SLC30A10: variants seen among roughly 807,000 people sequenced by gnomAD.
SLC30A10 encodes the protein solute carrier family 30 member 10.
SLC30A10 carries 8 observed loss-of-function variants against 21.7 expected under a neutral mutation model. The observed-to-expected ratio is 0.37, with a 90% CI of 0.22 to 0.67. SLC30A10 has a LOEUF of 0.67. Among genes scored for constraint, SLC30A10 ranks in the 30% least tolerant of loss-of-function variants. The probability of loss-of-function intolerance (pLI) is 0.58; values close to 1 mark genes in which losing one functional copy is unlikely to be tolerated. For synonymous variants in SLC30A10, 272 were observed against 279.4 expected (o/e 0.97, Z 0.26); for missense variants, 521 against 642.5 (o/e 0.81, Z 2.04).
intron 1 of SLC30A10, among the ~76,000 whole-genome samples, chr1:219,945,470 G>A (rs996206465): frequency 2.0e-5 from 3 of 152,060 alleles, no homozygotes; most frequent in Admixed American, 6.6e-5. Flanking sequence ...AATGAGAACC[G>A]AAGTTAAAAA....
chr1:219,926,165 T>C lies in SLC30A10; in HGVS notation c.718+863A>G, dbSNP rs536026322. Among the ~76,000 whole-genome samples the C allele has an allele frequency of 1.7e-3, 257 of 152,332 alleles. 1 individual carries two copies. The highest frequency in any genetic ancestry group is 6.0e-3 in the African/African-American group (250 of 41,576). On this transcript the variant is annotated intron_variant, in intron 2 of 3. Transcript: ENST00000366926. Reference sequence around the variant, plus strand: ...TATCTTCTGGATTTTCCCTATAGGTTCACTCTGAGAATTCCTTTGTAAAAC... The same window carrying C: ...TATCTTCTGGATTTTCCCTATAGGTCCACTCTGAGAATTCCTTTGTAAAAC...
In SLC30A10 at chr1:219,915,340, G is replaced by T; in HGVS notation, c.*109C>A. 7.4e-7 allele frequency: 1 copy of T among 1,357,156 alleles called. No homozygotes were observed. The highest frequency in any genetic ancestry group is 1.0e-6 in the Non-Finnish European group (1 of 985,432). The allele number at this position is 1,357,156 out of a possible 1,614,324, so 84.1% of individuals were successfully genotyped here. A position where few individuals can be genotyped will look rare whatever the true frequency, so the allele number is the denominator to read the frequency against. Reference sequence around the variant, plus strand: ...CCAACCCCTAGTGAACACAGAGCATGCATGCTGCAAGTCTAGTCTGGGCCT... The same window carrying T: ...CCAACCCCTAGTGAACACAGAGCATTCATGCTGCAAGTCTAGTCTGGGCCT... On this transcript the variant is annotated 3_prime_UTR_variant, in exon 4 of 4. Coordinates refer to ENST00000366926, the MANE Select transcript of SLC30A10 (RefSeq NM_018713.3).
intron 1 of SLC30A10, among the ~76,000 whole-genome samples, chr1:219,940,967 T>C (rs758967705): frequency 5.9e-5 from 9 of 152,150 alleles, no homozygotes; most frequent in Non-Finnish European, 1.3e-4. Context: ...AAAAATCTGT[T>C]TGAATAATAA....
rs549209690 is a variant in SLC30A10, at chr1:219,938,374, C to T, written n.81-11269G>A. 2.5e-4 allele frequency among the ~76,000 whole-genome samples: 38 copies of T among 152,328 alleles called. No individual in the cohort carries two copies. In the East Asian group the frequency reaches 7.0e-3, roughly 28 times the overall value. On this transcript the variant is annotated intron_variant and non_coding_transcript_variant, in intron 1 of 8. Transcript: ENST00000484239. The stretch of plus-strand genomic sequence containing the variant: ...TCACTCTAGACATCTTTCTACCACT[C>T]CCCTGACTTTTCCCAGAGGCAGGAT...
At chr1:219,954,352 G>GGA (rs902392247) in intron 1 of SLC30A10, among the ~76,000 whole-genome samples, 2 of 151,836 alleles carry the variant, frequency 1.3e-5, no homozygotes, top group Admixed American at 1.3e-4. Context: ...AGAAACAGAA[G>GGA]GAGAGAGAGA....
Position 219,928,343 on chromosome 1 carries a change from T to C in SLC30A10, c.98A>G (p.Asn33Ser). ...VAELVSGYLG[N>S]SIALLSDSFN... Reference sequence around the variant, plus strand: ...GGAGTCGGAGAGCAGCGCGATGGAGTTGCCCAGGTAGCCGGAGACCAGCTC... The same window carrying C: ...GGAGTCGGAGAGCAGCGCGATGGAGCTGCCCAGGTAGCCGGAGACCAGCTC... Residue 33 changes from asparagine (N) to serine (S), a missense_variant, in exon 1 of 4, where the codon AAC (asparagine) becomes AGC (serine). By Grantham distance (46) the Asn-to-Ser change is conservative. Transcript: ENST00000366926. This position sits in a 1 kb window ranked among gnomAD's most constrained non-coding sequence, Gnocchi z 6.3. 1 of 1,612,506 alleles carries C rather than the reference T, an allele frequency of 6.2e-7. No individual in the cohort carries two copies. The highest frequency in any genetic ancestry group is 8.5e-7 in the Non-Finnish European group (1 of 1,179,526).
In SLC30A10 at chr1:219,914,548, CTT is replaced by C. The variant is rs1418866475; in HGVS notation, c.*899_*900del. The C allele has an allele frequency of 2.0e-5, 3 of 152,166 alleles. No individual in the cohort carries two copies. The allele number at this position is 152,166 out of a possible 1,614,324, so 9.4% of individuals were successfully genotyped here. A position where few individuals can be genotyped will look rare whatever the true frequency, so the allele number is the denominator to read the frequency against. On this transcript the variant is annotated 3_prime_UTR_variant, in exon 4 of 4. Coordinates refer to ENST00000366926, the MANE Select transcript of SLC30A10 (RefSeq NM_018713.3). ...TGCATTCTGCTATCCCAGGAATACTCTTTTCTGGTAAATGCTGCATAGATCAA... is the reference window on the plus strand; with the variant it reads ...TGCATTCTGCTATCCCAGGAATACTCTTCTGGTAAATGCTGCATAGATCAA...
At chr1:219,925,634 T>C (rs1210418333) in intron 2 of SLC30A10, among the ~76,000 whole-genome samples, 1 of 69,782 alleles carries the variant, frequency 1.4e-5, no homozygotes, top group Admixed American at 2.0e-4. Context: ...TGTGTGTACA[T>C]ATATATATAT....
intron 3 of SLC30A10, among the ~76,000 whole-genome samples, chr1:219,917,359 A>T (rs190469170): frequency 6.6e-6 from 1 of 152,104 alleles, no homozygotes; most frequent in Non-Finnish European, 1.5e-5. Flanking sequence ...ATATATCACA[A>T]ATTTCTTTGT....
intron 1 of SLC30A10, among the ~76,000 whole-genome samples, chr1:219,947,755 G>A (rs1346056754): frequency 6.6e-6 from 1 of 151,952 alleles, no homozygotes; most frequent in Non-Finnish European, 1.5e-5. Flanking sequence ...ACTTGAACCC[G>A]GGGGGCAGAG....
intron 1 of SLC30A10, among the ~76,000 whole-genome samples, chr1:219,942,128 T>C (rs1231966810): frequency 6.6e-6 from 1 of 152,136 alleles, no homozygotes; most frequent in Non-Finnish European, 1.5e-5. Flanking sequence ...AGCTCTGGGA[T>C]AAGGTTTCAG....
At position 219,918,897 on chromosome 1, in the gene SLC30A10, G is replaced by C; in HGVS notation, c.719-403C>G. ...TGTTTTAAACATGTTTAAGGGGAGA[G>C]AGAACAAGTTGTATTAAGAGTGTTT... On this transcript the variant is annotated intron_variant, in intron 2 of 3. Coordinates refer to ENST00000366926, the MANE Select transcript of SLC30A10 (RefSeq NM_018713.3). The surrounding 1 kb of genome is among the most constrained non-coding windows in gnomAD (Gnocchi z 4.4). The C allele has an allele frequency of 6.1e-6, 1 of 163,896 alleles. No homozygotes were observed. Among genetic ancestry groups the C allele is most frequent in the Non-Finnish European group, 1.3e-5 (1 of 76,112 alleles). The allele number at this position is 163,896 out of a possible 1,614,324, so 10.2% of individuals were successfully genotyped here. A position where few individuals can be genotyped will look rare whatever the true frequency, so the allele number is the denominator to read the frequency against.
chr1:219,945,670 A>G (rs1660177447), intron 1 of SLC30A10, among the ~76,000 whole-genome samples: 1 of 152,238 alleles, frequency 6.6e-6, no homozygotes, highest in Non-Finnish European at 1.5e-5. Context: ...AGCCAAAACT[A>G]GAAGAGATAA....
At chr1:219,927,403 G>T in intron 1 of SLC30A10, among the ~76,000 whole-genome samples, 1 of 151,966 alleles carries the variant, frequency 6.6e-6, no homozygotes, top group East Asian at 1.9e-4. Flanking sequence ...AAGAGGGGGG[G>T]AGAACAACAA....
intron 1 of SLC30A10, among the ~76,000 whole-genome samples, chr1:219,957,037 A>G (rs1660363322): frequency 6.6e-6 from 1 of 152,208 alleles, no homozygotes; most frequent in South Asian, 2.1e-4. Context: ...TAGCAATAAA[A>G]AATATATATT....
chr1:219,925,644 TA>T (rs1366063078), intron 2 of SLC30A10, among the ~76,000 whole-genome samples: 1,228 of 77,206 alleles, frequency 0.016, 27 homozygotes, highest in African/African-American at 0.047. Flanking sequence ...TATATATATA[TA>T]TATATATTTT....
chr1:219,926,135 G>A (rs1448869860), intron 2 of SLC30A10, among the ~76,000 whole-genome samples: 1 of 152,110 alleles, frequency 6.6e-6, no homozygotes, highest in South Asian at 2.1e-4. Context: ...ATATGTTATT[G>A]TTGTTATCTT....
upstream of SLC30A10, among the ~76,000 whole-genome samples, chr1:219,932,625 C>T (rs1050814628): frequency 4.0e-5 from 6 of 151,104 alleles, no homozygotes; most frequent in African/African-American, 1.5e-4. Flanking sequence ...AATTTTTGTA[C>T]CCCAAAAGTA....
At chr1:219,944,469 AAAAC>A (rs995735324) in intron 1 of SLC30A10, among the ~76,000 whole-genome samples, 24 of 152,260 alleles carry the variant, frequency 1.6e-4, no homozygotes, top group Admixed American at 1.6e-3. Context: ...AAAACAAAAC[AAAAC>A]AAACACTAAA....
Sources: gnomAD v4.1 joint callset for allele counts (sites outside exome capture counted in the v4.1 genomes callset) on GRCh38, gnomAD v4.1.1 for gene constraint, Gnocchi (gnomAD v3.1) non-coding constraint, MANE v1.5 for transcripts, NCBI Gene and HGNC (gene_info 2026-07-23, HGNC 2026-07-21) for gene names.